KLHL7: variants seen among roughly 807,000 people sequenced by gnomAD.
KLHL7 encodes kelch like family member 7, also known as kelch-like protein 7.
Under a neutral mutation model 67.4 loss-of-function variants are expected in KLHL7, and 44 were observed. The ratio of observed to expected loss-of-function variants is 0.65; its 90% CI spans 0.51 to 0.84. The LOEUF (loss-of-function observed/expected upper bound fraction) is 0.84. Among genes scored for constraint, KLHL7 ranks in the 40% least tolerant of loss-of-function variants. The pLI, the probability that KLHL7 is intolerant of heterozygous loss-of-function variation, is 0.00. For synonymous variants in KLHL7, 252 were observed against 243.3 expected, an observed-to-expected ratio of 1.04 and a Z score of -0.33; for missense variants, 362 against 718.1, an observed-to-expected ratio of 0.50 and a Z score of 5.67.
At chr7:23,111,820 C>CAAAAAAAA (rs895981894) in intron 1 of KLHL7, among the ~76,000 whole-genome samples, 7 of 23,238 alleles carry the variant, frequency 3.0e-4, no homozygotes, top group African/African-American at 6.2e-4. Flanking sequence ...GACTCCGTCT[C>CAAAAAAAA]AAAAAAAAAA....
intron 1 of KLHL7, among the ~76,000 whole-genome samples, chr7:23,113,655 AC>A (rs1399520479): frequency 2.0e-5 from 3 of 152,110 alleles, no homozygotes; most frequent in South Asian, 2.1e-4. Context: ...ACATGGTGAA[AC>A]CCCGTCTCTA....
chr7:23,165,448 T>C (rs555355299), intron 7 of KLHL7, among the ~76,000 whole-genome samples: 1 of 152,300 alleles, frequency 6.6e-6, no homozygotes, highest in South Asian at 2.1e-4. Context: ...TCCAAATATA[T>C]TTAAGTTTAT....
At position 23,174,377 on chromosome 7, in the gene KLHL7, G is replaced by A; in HGVS notation, c.*79G>A. The A allele has an allele frequency of 6.6e-7, 1 of 1,521,486 alleles. No individual in the cohort carries two copies. The highest frequency in any genetic ancestry group is 9.1e-7 in the Non-Finnish European group (1 of 1,099,626). 94.2% of individuals were successfully genotyped at this position (1,521,486 alleles called of 1,614,324 possible). A position where few individuals can be genotyped will look rare whatever the true frequency, so the allele number is the denominator to read the frequency against. ...TTTGTTCCAGGAGTTTGGTGACAAA[G>A]TTTTGGTTTGGTGTTTTGGTAAAGA... On this transcript the variant is annotated 3_prime_UTR_variant, in exon 11 of 11. Transcript: ENST00000339077.
chr7:23,128,835 C>G (rs11982443), intron 4 of KLHL7, among the ~76,000 whole-genome samples: 3,898 of 152,268 alleles, frequency 0.026, 164 homozygotes, highest in African/African-American at 0.089. Flanking sequence ...TAAATTGAAT[C>G]ATACCAAAGG....
At chr7:23,138,612 A>G (rs1284068770) in intron 4 of KLHL7, among the ~76,000 whole-genome samples, 1 of 151,806 alleles carries the variant, frequency 6.6e-6, no homozygotes, top group Non-Finnish European at 1.5e-5. Context: ...ATCTCAGCTC[A>G]CTGCAACCTC....
chr7:23,147,932 C>T lies in KLHL7; in HGVS notation c.793+3907C>T, dbSNP rs573369848. The stretch of plus-strand genomic sequence containing the variant: ...GCCATTGGGCAGGTATTTTTCTTAG[C>T]CCATCCTTTCACTAAAAGTGTAACC... On this transcript the variant is annotated intron_variant, in intron 6 of 10. Transcript: ENST00000339077. 8.2e-4 allele frequency among the ~76,000 whole-genome samples: 125 copies of T among 152,210 alleles called. 4 individuals are homozygous for T. The South Asian group carries it at 0.024, about 30-fold the overall frequency.
In KLHL7 at chr7:23,139,482, G is replaced by A. The variant is rs115315465; in HGVS notation, c.443-1287G>A. Among the ~76,000 whole-genome samples, 473 of 152,266 alleles carry A rather than the reference G, an allele frequency of 3.1e-3. 2 individuals carry two copies. The highest frequency in any genetic ancestry group is 0.011 in the African/African-American group (462 of 41,544). On this transcript the variant is annotated intron_variant, in intron 4 of 10. Transcript: ENST00000339077. ...ATCCTTAAAATAGGAATACTACTGGGTGAAACTATTAGAAGTGTACAAATA... is the reference window on the plus strand; with the variant it reads ...ATCCTTAAAATAGGAATACTACTGGATGAAACTATTAGAAGTGTACAAATA...
At chr7:23,151,050 T>C (rs2128466635) in intron 6 of KLHL7, among the ~76,000 whole-genome samples, 1 of 152,072 alleles carries the variant, frequency 6.6e-6, no homozygotes, top group Middle Eastern at 3.4e-3. Context: ...CTTTTTGCCA[T>C]GCACTATTTT....
chr7:23,111,114 A>G (rs576834721), intron 1 of KLHL7, among the ~76,000 whole-genome samples: 3 of 152,294 alleles, frequency 2.0e-5, no homozygotes, highest in African/African-American at 7.2e-5. Context: ...TAGGTATTAC[A>G]CAGGAGAATA....
In KLHL7 at chr7:23,167,135, A is replaced by AG. The variant is rs1785025315; in HGVS notation, c.1178-699dup. On this transcript the variant is annotated intron_variant, in intron 8 of 10. Transcript: ENST00000339077. ...CTTCTAAAATTTTTTGTCCTTGGGA[A>AG]GGAAAAAAAAAAGCACTTAAACTTT... 1.2e-4 allele frequency among the ~76,000 whole-genome samples: 19 copies of AG among 152,114 alleles called. No individual in the cohort carries two copies. In the South Asian group the frequency reaches 3.9e-3, roughly 32 times the overall value.
At chr7:23,113,345 A>T (rs1370619443) in intron 1 of KLHL7, among the ~76,000 whole-genome samples, 1 of 152,210 alleles carries the variant, frequency 6.6e-6, no homozygotes, top group African/African-American at 2.4e-5. Context: ...AACAGGAGGT[A>T]AAAATGAGGA....
chr7:23,124,547 T>G lies in KLHL7; in HGVS notation c.224-141T>G, dbSNP rs1020896559. ...TTAATTTGCATTGACTATAGAAATGTTGGGCTTGCTGGGGCATTTTCTTCC... is the reference window on the plus strand; with the variant it reads ...TTAATTTGCATTGACTATAGAAATGGTGGGCTTGCTGGGGCATTTTCTTCC... On this transcript the variant is annotated intron_variant, in intron 2 of 10. Transcript: ENST00000339077. 1.3e-5 allele frequency: 9 copies of G among 701,684 alleles called. No individual in the cohort carries two copies. In the African/African-American group the frequency reaches 1.4e-4, roughly 11 times the overall value. 43.5% of individuals were successfully genotyped at this position (701,684 alleles called of 1,614,324 possible).
intron 1 of KLHL7, among the ~76,000 whole-genome samples, chr7:23,115,914 T>C (rs779230002): frequency 6.6e-5 from 10 of 152,172 alleles, no homozygotes; most frequent in African/African-American, 1.2e-4. Flanking sequence ...CCAGGTATCA[T>C]AGAGTTTCCC....
intron 4 of KLHL7, among the ~76,000 whole-genome samples, chr7:23,139,858 CCCT>C (rs911336539): frequency 8.6e-5 from 13 of 151,796 alleles, no homozygotes; most frequent in South Asian, 2.1e-4. Flanking sequence ...TGGTCCTTAT[CCCT>C]CCTCCTTTCC....
chr7:23,125,220 T>C, intron 4 of KLHL7, 48 bp downstream of exon 4: 1 of 1,584,660 alleles, frequency 6.3e-7, no homozygotes, highest in Non-Finnish European at 8.6e-7. Context: ...TTTTATCCTT[T>C]ATTTCTAATT....
At chr7:23,153,007 C>T (rs1784587415) in intron 7 of KLHL7, among the ~76,000 whole-genome samples, 1 of 152,020 alleles carries the variant, frequency 6.6e-6, no homozygotes, top group African/African-American at 2.4e-5. Context: ...TTTTGCAAAC[C>T]CATTTTTGGT....
chr7:23,159,783 A>G (rs765678767), intron 7 of KLHL7, among the ~76,000 whole-genome samples: 6 of 152,018 alleles, frequency 3.9e-5, no homozygotes, highest in South Asian at 2.1e-4. Context: ...GCCTGCCTCA[A>G]CCTCCCAAAG....
chr7:23,106,110 G>C lies in KLHL7; in HGVS notation c.84G>C (p.Ala28=). The C allele has an allele frequency of 6.2e-7, 1 of 1,610,018 alleles. No homozygotes were observed. Among genetic ancestry groups the C allele is most frequent in the Non-Finnish European group, 8.5e-7 (1 of 1,178,416 alleles). ...CTCGGGAAGAAGCTAAATTGTTGGCGGGTTTCATGGGCGTCATGAATAACA... is the reference window on the plus strand; with the variant it reads ...CTCGGGAAGAAGCTAAATTGTTGGCCGGTTTCATGGGCGTCATGAATAACA... ...LAAREEAKLL[A]GFMGVMNNMR... Residue 28 remains alanine (A), a synonymous_variant, in exon 1 of 11, where the codon GCG becomes GCC. Coordinates refer to ENST00000339077, the MANE Select transcript of KLHL7 (RefSeq NM_001031710.3).
In KLHL7 at chr7:23,123,761, T is replaced by A; in HGVS notation, c.121-16T>A. 6.3e-7 allele frequency: 1 copy of A among 1,578,882 alleles called. No homozygotes were observed. The highest frequency in any genetic ancestry group is 8.7e-7 in the Non-Finnish European group (1 of 1,148,318). ...AGTGAGCCTCTTTTTATTTTATGTA[T>A]TTTTCCTTTGATTAGAAAACGTTGT... On this transcript the variant is annotated splice_polypyrimidine_tract_variant and intron_variant, in intron 1 of 10. Transcript: ENST00000339077.
Sources: gnomAD v4.1 joint callset for allele counts (sites outside exome capture counted in the v4.1 genomes callset) on GRCh38, gnomAD v4.1.1 for gene constraint, MANE v1.5 for transcripts, NCBI Gene and HGNC (gene_info 2026-07-23, HGNC 2026-07-21) for gene names.